PCLO: variants seen among roughly 807,000 people sequenced by gnomAD.
PCLO encodes the protein protein piccolo.
Under a neutral mutation model 427.5 loss-of-function variants are expected in PCLO, and 82 were observed. That is an observed-to-expected ratio of 0.19 (90% CI 0.16 to 0.23). The LOEUF (loss-of-function observed/expected upper bound fraction) is 0.23, where lower values mean the gene tolerates loss of function less well. PCLO is among the 10% of genes least tolerant of loss of function. PCLO has a pLI of 1.00. For missense variants in PCLO, 6,239 were observed against 6,115.9 expected, an observed-to-expected ratio of 1.02 and a Z score of -0.67; for synonymous variants, 2,357 against 2,155.4, an observed-to-expected ratio of 1.09 and a Z score of -2.59.
chr7:83,109,412 A>T (rs1475676698), intron 3 of PCLO, among the ~76,000 whole-genome samples: 1 of 152,154 alleles, frequency 6.6e-6, no homozygotes, highest in Admixed American at 6.6e-5. Context: ...ACCACTGTTC[A>T]TCCCTGACAA....
rs549214522 is a variant in PCLO, at chr7:82,895,810, T to C, written c.13528+6841A>G. On this transcript the variant is annotated intron_variant, in intron 9 of 24. Transcript: ENST00000333891. ...CTTATAACAAATAAAGGCATTGAAT[T>C]AGTAACTGGATGTCTTACTGAAAAA... Among the ~76,000 whole-genome samples the C allele has an allele frequency of 2.0e-5, 3 of 152,100 alleles. No individual in the cohort carries two copies. In the East Asian group the frequency reaches 5.8e-4, roughly 29 times the overall value.
In PCLO at chr7:83,157,555, T is replaced by C. The variant is rs1028370965; in HGVS notation, c.249-1163A>G. Among the ~76,000 whole-genome samples the C allele has an allele frequency of 2.6e-5, 4 of 151,958 alleles. No homozygotes were observed. The South Asian group carries it at 8.3e-4, about 32-fold the overall frequency. ...AAACAGCCTTGGAAACATGATACAT[T>C]TTAAATGACTATGGTTAAATAATTA... On this transcript the variant is annotated intron_variant, in intron 1 of 24. Coordinates refer to ENST00000333891, the MANE Select transcript of PCLO (RefSeq NM_033026.6).
At chr7:82,824,525 G>A in intron 18 of PCLO, 109 bp from the exon 19 acceptor site, 1 of 596,034 alleles carries the variant, frequency 1.7e-6, no homozygotes, top group Non-Finnish European at 2.7e-6. Flanking sequence ...AAGGAATACA[G>A]TATAACTTTT....
chr7:82,986,025 A>C (rs1796248473), intron 3 of PCLO, among the ~76,000 whole-genome samples: 1 of 151,964 alleles, frequency 6.6e-6, no homozygotes, highest in Admixed American at 6.6e-5. Flanking sequence ...AGAGCTTTTT[A>C]TATCATGATT....
intron 16 of PCLO, among the ~76,000 whole-genome samples, chr7:82,834,425 G>A (rs1316734496): frequency 6.6e-6 from 1 of 152,094 alleles, no homozygotes; most frequent in African/African-American, 2.4e-5. Context: ...AAAGTTTCTG[G>A]GCAATAGCAA....
Position 83,062,202 on chromosome 7 carries a change from G to A in PCLO, c.3300+72048C>T, listed in dbSNP as rs1789559170. On this transcript the variant is annotated intron_variant, in intron 3 of 24. Transcript: ENST00000333891. ...TACAAATAATTGTTATCTACAATTGGATCTGAACTCAAGGTTCTCACCTAA... is the reference window on the plus strand; with the variant it reads ...TACAAATAATTGTTATCTACAATTGAATCTGAACTCAAGGTTCTCACCTAA... Among the ~76,000 whole-genome samples, 3 of 152,082 alleles carry A rather than the reference G, an allele frequency of 2.0e-5. No homozygotes were observed. The South Asian group carries it at 6.2e-4, about 32-fold the overall frequency.
intron 22 of PCLO, among the ~76,000 whole-genome samples, chr7:82,764,463 A>G (rs1397225282): frequency 6.6e-6 from 1 of 151,936 alleles, no homozygotes; most frequent in African/African-American, 2.4e-5. Flanking sequence ...ATATCACTAA[A>G]CATGAGTAAG....
intron 3 of PCLO, among the ~76,000 whole-genome samples, chr7:83,081,999 A>C (rs940442683): frequency 1.3e-5 from 2 of 151,638 alleles, no homozygotes; most frequent in African/African-American, 2.4e-5. Flanking sequence ...AAGAAATTGC[A>C]GTTTCTGTTT....
At chr7:82,850,173 T>C (rs1214869635) in intron 10 of PCLO, among the ~76,000 whole-genome samples, 1 of 152,024 alleles carries the variant, frequency 6.6e-6, no homozygotes, top group Non-Finnish European at 1.5e-5. Flanking sequence ...CACACCCAGC[T>C]AGTTTTTGCA....
chr7:83,110,109 T>C (rs927661623), intron 3 of PCLO, among the ~76,000 whole-genome samples: 3 of 151,286 alleles, frequency 2.0e-5, no homozygotes, highest in Non-Finnish European at 4.4e-5. Context: ...TACTAGATTA[T>C]ACAACTTACA....
chr7:83,099,224 GAGAGTGGAGGCACGC>G (rs564047422), intron 3 of PCLO, among the ~76,000 whole-genome samples: 27 of 147,940 alleles, frequency 1.8e-4, no homozygotes, highest in Middle Eastern at 6.8e-3. Flanking sequence ...AGGTGGGAGG[GAGAGTGGAGGCACGC>G]AGAGTGGAGG....
In PCLO at chr7:82,951,333, A is replaced by C; in HGVS notation, c.9255T>G (p.Ser3085=). Reference sequence around the variant, plus strand: ...CTACTGAAGAATAGACAACACCATTAGATGACCTCAAAACACTCCCCACAC... The same window carrying C: ...CTACTGAAGAATAGACAACACCATTCGATGACCTCAAAACACTCCCCACAC... The part of the protein sequence containing the change: ...QYCVGSVLRS[S]NGVVYSSVAT... The change falls in exon 6 of 25, where the codon TCT becomes TCG. Residue 3085 remains serine (S), a synonymous_variant. Coordinates refer to ENST00000333891, the MANE Select transcript of PCLO (RefSeq NM_033026.6). The C allele has an allele frequency of 6.2e-7, 1 of 1,610,782 alleles. No homozygotes were observed. The highest frequency in any genetic ancestry group is 8.5e-7 in the Non-Finnish European group (1 of 1,178,458).
chr7:82,915,858 G>C lies in PCLO; in HGVS notation c.12128C>G (p.Pro4043Arg). Residue 4043 changes from proline (P) to arginine (R), a missense_variant, in exon 7 of 25, where the codon CCA (proline) becomes CGA (arginine). Physicochemically the swap from Pro to Arg is moderately radical, Grantham distance 103. Around this residue, in one of 5 missense-constraint regions of PCLO, gnomAD observed 680 missense variants for 677.3 expected, o/e 1.00. Coordinates refer to ENST00000333891, the MANE Select transcript of PCLO (RefSeq NM_033026.6). ...SFYADIDHHT[P>R]RNYVLIDDIG... ...GTCGTCAATTAGGACATAATTTCGT[G>C]GAGTATGGTGATCAATATCTGCATA... The C allele has an allele frequency of 6.2e-7, 1 of 1,613,458 alleles. No homozygotes were observed. Among genetic ancestry groups the C allele is most frequent in the Non-Finnish European group, 8.5e-7 (1 of 1,179,740 alleles).
At chr7:83,138,701 T>C (rs1011585222) in intron 2 of PCLO, among the ~76,000 whole-genome samples, 4 of 151,386 alleles carry the variant, frequency 2.6e-5, no homozygotes, top group Non-Finnish European at 1.5e-5. Context: ...TGATGGAGGC[T>C]ATATAACAAC....
chr7:83,078,700 T>C (rs1790020107), intron 3 of PCLO, among the ~76,000 whole-genome samples: 1 of 151,824 alleles, frequency 6.6e-6, no homozygotes, highest in Admixed American at 6.6e-5. Context: ...CCCGGCTAAT[T>C]TTTCGTATTT....
chr7:82,939,776 G>T (rs61316451), intron 6 of PCLO, among the ~76,000 whole-genome samples: 1,536 of 149,130 alleles, frequency 0.01, 27 homozygotes, highest in African/African-American at 0.036. Flanking sequence ...TTATGAAGAA[G>T]AAATATTTGT....
rs1313392170 is a variant in PCLO, at chr7:83,162,637, G to A, written c.-45C>T. On this transcript the variant is annotated 5_prime_UTR_variant, in exon 1 of 25. The change creates a new upstream start codon in the 5' untranslated region. Coordinates refer to ENST00000333891, the MANE Select transcript of PCLO (RefSeq NM_033026.6). ...CCGCCGCGCTCCCTCCTCGCGCCGC[G>A]TCCCAGTCGAGAAGCCCGCGGCCAG... 6.7e-7 allele frequency: 1 copy of A among 1,490,102 alleles called. No homozygotes were observed. Among genetic ancestry groups the A allele is most frequent in the Non-Finnish European group, 8.9e-7 (1 of 1,124,388 alleles). 92.3% of individuals were successfully genotyped at this position (1,490,102 alleles called of 1,614,324 possible).
At chr7:82,897,411 T>A (rs960857338) in intron 9 of PCLO, among the ~76,000 whole-genome samples, 5 of 151,710 alleles carry the variant, frequency 3.3e-5, no homozygotes, top group Non-Finnish European at 4.4e-5. Context: ...TAATAGAAGA[T>A]TACAGGTCTG....
rs555154643 is a variant in PCLO at position 82,776,906 on chromosome 7, G to A, written c.15008-15413C>T. ...TATGTGTGTGTATATATAGATATAC[G>A]CACACACACACACACACACACACAC... On this transcript the variant is annotated intron_variant, in intron 22 of 24. Transcript: ENST00000333891. Among the ~76,000 whole-genome samples, 1,174 of 139,338 alleles carry A rather than the reference G, an allele frequency of 8.4e-3. 4 individuals are homozygous for A. Among genetic ancestry groups the A allele is most frequent in the Non-Finnish European group, 0.012 (757 of 62,928 alleles). The allele number at this position is 139,338 out of a possible 152,430, so 91.4% of individuals were successfully genotyped here.
Sources: allele counts gnomAD v4.1 joint callset (sites outside exome capture counted in the v4.1 genomes callset), GRCh38; gene constraint gnomAD v4.1.1; regional missense constraint gnomAD v4.1.1; transcripts MANE v1.5; gene names NCBI Gene and HGNC (gene_info 2026-07-23, HGNC 2026-07-21).